SATB2: variants seen among roughly 807,000 people sequenced by gnomAD.
SATB2 encodes the protein DNA-binding protein SATB2.
A neutral mutation model predicts 73.4 loss-of-function variants in SATB2; 1 was observed. That is an observed-to-expected ratio of 0.01 (90% CI 0.00 to 0.06). The LOEUF (loss-of-function observed/expected upper bound fraction) is 0.06, where lower values mean the gene tolerates loss of function less well. SATB2 is among the 10% of genes least tolerant of loss of function. The probability of loss-of-function intolerance (pLI) is 1.00; values close to 1 mark genes in which losing one functional copy is unlikely to be tolerated. For synonymous variants in SATB2, 397 were observed against 367.0 expected, an observed-to-expected ratio of 1.08 and a Z score of -0.93; for missense variants, 459 against 945.8, an observed-to-expected ratio of 0.49 and a Z score of 6.75.
In SATB2 at chr2:199,308,043, G is replaced by T. The variant is rs1167283065; in HGVS notation, c.1740+717C>A. 2.0e-5 allele frequency among the ~76,000 whole-genome samples: 3 copies of T among 152,276 alleles called. No individual in the cohort carries two copies. In the East Asian group the frequency reaches 5.8e-4, roughly 29 times the overall value. ...CAATTTGTGGGCCAAACTCTAGGGGGTCTAACGTTGGAAACCTCAACTAAT... is the reference window on the plus strand; with the variant it reads ...CAATTTGTGGGCCAAACTCTAGGGGTTCTAACGTTGGAAACCTCAACTAAT... On this transcript the variant is annotated intron_variant, in intron 10 of 10. Transcript: ENST00000417098. The surrounding 1 kb of genome is among the most constrained non-coding windows in gnomAD (Gnocchi z 4.6).
intron 2 of SATB2, among the ~76,000 whole-genome samples, chr2:199,445,088 T>G (rs553631671): frequency 2.0e-5 from 3 of 152,338 alleles, no homozygotes; most frequent in Admixed American, 2.0e-4. Context: ...TCTTGGCAGT[T>G]AACTTGTTTA....
chr2:199,398,895 AC>A (rs1263964945), intron 3 of SATB2, among the ~76,000 whole-genome samples: 4 of 152,232 alleles, frequency 2.6e-5, no homozygotes, highest in Non-Finnish European at 2.9e-5. Flanking sequence ...AGTAACTCCT[AC>A]GAGCTAAGTA....
chr2:199,329,095 A>T, intron 7 of SATB2, 185 bp from the exon 8 acceptor site: 1 of 655,770 alleles, frequency 1.5e-6, no homozygotes, highest in South Asian at 1.7e-5. Flanking sequence ...GGGGATATGC[A>T]TTATTTTAGG....
chr2:199,381,097 A>T (rs1216178462), intron 4 of SATB2, among the ~76,000 whole-genome samples: 1 of 152,234 alleles, frequency 6.6e-6, no homozygotes, highest in Non-Finnish European at 1.5e-5. Flanking sequence ...GACTGCAAAG[A>T]ACCTCCAGTT....
At chr2:199,330,916 T>G (rs1438033722) in intron 7 of SATB2, among the ~76,000 whole-genome samples, 1 of 152,130 alleles carries the variant, frequency 6.6e-6, no homozygotes, top group Non-Finnish European at 1.5e-5. Context: ...TCTCATAAAT[T>G]TGGTATTTCA....
intron 10 of SATB2, among the ~76,000 whole-genome samples, chr2:199,302,512 G>A (rs1687313996): frequency 6.6e-6 from 1 of 152,142 alleles, no homozygotes; most frequent in Non-Finnish European, 1.5e-5. Flanking sequence ...ATCTTCCCAA[G>A]TGAGGACCTA....
At position 199,426,807 on chromosome 2, in the gene SATB2, T is replaced by C. The variant is rs1217962460; in HGVS notation, c.346+6531A>G. ...ACTGCACTTACTAATTATCTGACTG[T>C]CCATCTATTTATTTATTTAGAGACA... On this transcript the variant is annotated intron_variant, in intron 3 of 10. Coordinates refer to ENST00000417098, the MANE Select transcript of SATB2 (RefSeq NM_001172509.2). Among the ~76,000 whole-genome samples, 4 of 152,182 alleles carry C rather than the reference T, an allele frequency of 2.6e-5. No homozygotes were observed. In the South Asian group the frequency reaches 6.2e-4, roughly 24 times the overall value.
chr2:199,406,093 C>G (rs1416837177), intron 3 of SATB2, among the ~76,000 whole-genome samples: 6 of 152,090 alleles, frequency 3.9e-5, no homozygotes, highest in Admixed American at 2.0e-4. Flanking sequence ...TTAAAGTATA[C>G]AGGAGGAGGT....
chr2:199,309,044 A>G, intron 9 of SATB2, 87 bp from the exon 10 acceptor site: 5 of 1,089,736 alleles, frequency 4.6e-6, no homozygotes, highest in Non-Finnish European at 6.9e-6. Flanking sequence ...CCATCACAGT[A>G]CATCTTTTTC....
At chr2:199,434,884 A>C (rs1171560886) in intron 2 of SATB2, among the ~76,000 whole-genome samples, 1 of 152,180 alleles carries the variant, frequency 6.6e-6, no homozygotes, top group Non-Finnish European at 1.5e-5. Flanking sequence ...TGTTCTAAAG[A>C]TAATACAATG....
intron 3 of SATB2, among the ~76,000 whole-genome samples, chr2:199,394,857 A>G (rs559705786): frequency 1.3e-5 from 2 of 152,244 alleles, no homozygotes; most frequent in East Asian, 1.9e-4. Context: ...TGATTCTAAT[A>G]TATCACCATC....
rs1176945704 is a variant in SATB2, at chr2:199,463,013, C to T, written c.-141+1823G>A. 6.6e-6 allele frequency among the ~76,000 whole-genome samples: 1 copy of T among 152,114 alleles called. No individual in the cohort carries two copies. Among genetic ancestry groups the T allele is most frequent in the Non-Finnish European group, 1.5e-5 (1 of 68,006 alleles). On this transcript the variant is annotated intron_variant, in intron 1 of 11. Transcript: ENST00000260926. The surrounding 1 kb of genome is among the most constrained non-coding windows in gnomAD (Gnocchi z 6.4). Reference sequence around the variant, plus strand: ...GCGTCGGGTGTGGGCACTGCCTGCCCTGGGGGAAGAAAGCGAGGAGATAGG... The same window carrying T: ...GCGTCGGGTGTGGGCACTGCCTGCCTTGGGGGAAGAAAGCGAGGAGATAGG...
At chr2:199,408,317 A>G (rs1436682217) in intron 3 of SATB2, among the ~76,000 whole-genome samples, 1 of 152,188 alleles carries the variant, frequency 6.6e-6, no homozygotes, top group Non-Finnish European at 1.5e-5. Flanking sequence ...TATTTTTAAA[A>G]TTATATATGT....
At chr2:199,306,656 A>C (rs1396091540) in intron 10 of SATB2, among the ~76,000 whole-genome samples, 1 of 152,208 alleles carries the variant, frequency 6.6e-6, no homozygotes, top group Non-Finnish European at 1.5e-5. Context: ...AAAACTCATA[A>C]ATCAATTGGC....
intron 3 of SATB2, among the ~76,000 whole-genome samples, chr2:199,412,856 A>G (rs1465897384): frequency 1.3e-5 from 2 of 152,210 alleles, no homozygotes; most frequent in Admixed American, 1.3e-4. Context: ...TGTAAAATCC[A>G]TGGAGAATGT....
At chr2:199,324,994 C>T (rs934743213) in intron 8 of SATB2, among the ~76,000 whole-genome samples, 4 of 152,152 alleles carry the variant, frequency 2.6e-5, no homozygotes, top group African/African-American at 4.8e-5. Context: ...CTGTTCTCTA[C>T]TGGATCCAGC....
At chr2:199,304,093 C>T (rs1266593698) in intron 10 of SATB2, among the ~76,000 whole-genome samples, 1 of 152,166 alleles carries the variant, frequency 6.6e-6, no homozygotes, top group African/African-American at 2.4e-5. Flanking sequence ...AGAGGAAAGA[C>T]TGGATGCCAA....
chr2:199,350,470 A>C lies in SATB2; in HGVS notation c.701-1297T>G, dbSNP rs559867740. On this transcript the variant is annotated intron_variant, in intron 6 of 10. Transcript: ENST00000417098. ...GACACTGATGCCAAATCACATGTGAAGCACTGAATAAAGTCAATGAACTGT... is the reference window on the plus strand; with the variant it reads ...GACACTGATGCCAAATCACATGTGACGCACTGAATAAAGTCAATGAACTGT... Among the ~76,000 whole-genome samples, 25 of 152,306 alleles carry C rather than the reference A, an allele frequency of 1.6e-4. No individual in the cohort carries two copies. The South Asian group carries it at 5.0e-3, about 30-fold the overall frequency.
At chr2:199,437,179 C>T (rs1220054029) in intron 2 of SATB2, among the ~76,000 whole-genome samples, 2 of 152,118 alleles carry the variant, frequency 1.3e-5, no homozygotes, top group Non-Finnish European at 2.9e-5. Context: ...TAGTAGAGAA[C>T]TTTGAACCTT....
Sources: allele counts gnomAD v4.1 joint callset (sites outside exome capture counted in the v4.1 genomes callset), GRCh38; gene constraint gnomAD v4.1.1; non-coding constraint Gnocchi (gnomAD v3.1); transcripts MANE v1.5; gene names NCBI Gene and HGNC (gene_info 2026-07-23, HGNC 2026-07-21).